AZIN2: variants seen among roughly 807,000 people sequenced by gnomAD.
The protein encoded by AZIN2 is ODC antizyme inhibitor-2.
In AZIN2, 28 loss-of-function variants were observed where a neutral mutation model predicts 47.8. The observed-to-expected ratio is 0.59, with a 90% CI of 0.43 to 0.80. The LOEUF is 0.80. Ranked by LOEUF, AZIN2 falls within the 30% of genes least tolerant of loss-of-function variation. The pLI, the probability that AZIN2 is intolerant of heterozygous loss-of-function variation, is 0.00. For synonymous variants in AZIN2, 221 were observed against 239.4 expected, an observed-to-expected ratio of 0.92 and a Z score of 0.71; for missense variants, 535 against 582.5, an observed-to-expected ratio of 0.92 and a Z score of 0.84.
chr1:33,124,371 T>C (rs1160040987), downstream of AZIN2, among the ~76,000 whole-genome samples: 4 of 151,856 alleles, frequency 2.6e-5, no homozygotes, highest in Non-Finnish European at 4.4e-5. This position sits in a 1 kb window ranked among gnomAD's most constrained non-coding sequence, Gnocchi z 4.6. Flanking sequence ...CGTCAGGATC[T>C]TTGGGAAGAT....
chr1:33,158,996 A>G, the AZIN2 span, among the ~76,000 whole-genome samples: 1 of 151,952 alleles, frequency 6.6e-6, no homozygotes, highest in South Asian at 2.1e-4. Context: ...GCCTGCCACC[A>G]CGCCCGGCTA....
the AZIN2 span, chr1:33,147,678 G>T: frequency 2.5e-6 from 4 of 1,613,768 alleles, no homozygotes; most frequent in South Asian, 2.2e-5. This position sits in a 1 kb window ranked among gnomAD's most constrained non-coding sequence, Gnocchi z 8.1. Flanking sequence ...CGTCCGACAG[G>T]ATCAGGCGCT....
chr1:33,156,272 C>G, the AZIN2 span, among the ~76,000 whole-genome samples: 1 of 152,228 alleles, frequency 6.6e-6, no homozygotes, highest in African/African-American at 2.4e-5. Flanking sequence ...CTCTCTCCTT[C>G]GCTTGAAAAC....
rs1195491971 is a variant in AZIN2, at chr1:33,097,043, T to G, written c.916+174T>G. ...AGTCGCCCCACCCCAAGACATTTAT[T>G]TAGCATCTTTTTTCCTAGGCATGTT... On this transcript the variant is annotated intron_variant, in intron 9 of 11. Coordinates refer to ENST00000294517, the MANE Select transcript of AZIN2 (RefSeq NM_052998.4). 4.3e-6 allele frequency: 3 copies of G among 703,888 alleles called. No individual in the cohort carries two copies. In the African/African-American group the frequency reaches 5.4e-5, roughly 13 times the overall value. The allele number at this position is 703,888 out of a possible 1,614,324, so 43.6% of individuals were successfully genotyped here. A position where few individuals can be genotyped will look rare whatever the true frequency, so the allele number is the denominator to read the frequency against.
rs370125215 is a variant in AZIN2 at position 33,122,046 on chromosome 1, C to T, written c.*1864C>T. Among the ~76,000 whole-genome samples the T allele has an allele frequency of 9.8e-5, 15 of 152,314 alleles. No individual in the cohort carries two copies. The South Asian group carries it at 1.7e-3, about 17-fold the overall frequency. Reference sequence around the variant, plus strand: ...ATCAGAAAGGGTTACTCTACTACCCCGTGATCCATCAAAGCCACGATTTAC... The same window carrying T: ...ATCAGAAAGGGTTACTCTACTACCCTGTGATCCATCAAAGCCACGATTTAC... On this transcript the variant is annotated 3_prime_UTR_variant, in exon 12 of 12. Transcript: ENST00000294517.
chr1:33,093,304 G>C lies in AZIN2; in HGVS notation c.475G>C (p.Asp159His), dbSNP rs747084922. 1.2e-6 allele frequency: 2 copies of C among 1,614,034 alleles called. No homozygotes were observed. Among genetic ancestry groups the C allele is most frequent in the African/African-American group, 2.7e-5 (2 of 75,004 alleles). Reference protein sequence around the residue: ...SAKMVLCIATDDSHSLSCLSL... With the variant: ...SAKMVLCIATHDSHSLSCLSL... ...CAGGATGGTTCTGTGCATTGCTACCGATGACTCCCACTCCCTGAGCTGCCT... is the reference window on the plus strand; with the variant it reads ...CAGGATGGTTCTGTGCATTGCTACCCATGACTCCCACTCCCTGAGCTGCCT... Residue 159 changes from aspartate to histidine, a missense_variant, in exon 7 of 12, where the codon GAT (aspartate) becomes CAT (histidine). By Grantham distance (81) the Asp-to-His change is moderately conservative (BLOSUM62 -1). Transcript: ENST00000294517.
intron 3 of AZIN2, 80 bp from the exon 4 acceptor site, chr1:33,082,098 G>A: frequency 1.5e-6 from 1 of 672,322 alleles, no homozygotes; most frequent in Non-Finnish European, 2.7e-6. Context: ...TGACGGGATT[G>A]GGATCCCTGG....
chr1:33,165,342 G>A, the AZIN2 span: 2 of 808,306 alleles, frequency 2.5e-6, no homozygotes, highest in South Asian at 3.6e-5. The surrounding 1 kb of genome is among the most constrained non-coding windows in gnomAD (Gnocchi z 4.0). Context: ...CTCACTCCAG[G>A]TTTGGCTCCT....
chr1:33,104,565 T>C (rs940059712), intron 10 of AZIN2, among the ~76,000 whole-genome samples: 1 of 151,918 alleles, frequency 6.6e-6, no homozygotes, highest in African/African-American at 2.4e-5. Context: ...TATAGTCTTA[T>C]AGAAATAGAA....
At chr1:33,149,305 A>G in the AZIN2 span, among the ~76,000 whole-genome samples, 1 of 152,150 alleles carries the variant, frequency 6.6e-6, no homozygotes, top group African/African-American at 2.4e-5. Flanking sequence ...GGCACGCGCC[A>G]CCACGCCTGG....
chr1:33,115,726 A>C (rs767154140), intron 10 of AZIN2, among the ~76,000 whole-genome samples: 3 of 152,234 alleles, frequency 2.0e-5, no homozygotes, highest in Non-Finnish European at 4.4e-5. Context: ...ATAGATACAT[A>C]AATAGTAAAA....
At chr1:33,150,018 C>T in the AZIN2 span, among the ~76,000 whole-genome samples, 1 of 152,204 alleles carries the variant, frequency 6.6e-6, no homozygotes, top group Non-Finnish European at 1.5e-5. Flanking sequence ...GCCACACCGG[C>T]TTAGCAGGTC....
the AZIN2 span, among the ~76,000 whole-genome samples, chr1:33,139,430 G>A: frequency 6.6e-6 from 1 of 152,326 alleles, no homozygotes; most frequent in East Asian, 1.9e-4. Flanking sequence ...AGTGGCAGTG[G>A]GAGACCCAGA....
the AZIN2 span, chr1:33,165,307 C>G: frequency 1.7e-6 from 1 of 601,112 alleles, no homozygotes; most frequent in Non-Finnish European, 2.9e-6. The surrounding 1 kb of genome is among the most constrained non-coding windows in gnomAD (Gnocchi z 4.0). Flanking sequence ...CACGGATGCC[C>G]TACCCTCTTC....
downstream of AZIN2, among the ~76,000 whole-genome samples, chr1:33,124,147 C>A (rs1279228605): frequency 6.6e-6 from 1 of 152,100 alleles, no homozygotes; most frequent in Non-Finnish European, 1.5e-5. This position sits in a 1 kb window ranked among gnomAD's most constrained non-coding sequence, Gnocchi z 4.6. Context: ...GCCTAGGCGA[C>A]AGGGCAAGAC....
At chr1:33,089,842 C>T (rs775922984) in intron 5 of AZIN2, among the ~76,000 whole-genome samples, 3 of 152,210 alleles carry the variant, frequency 2.0e-5, no homozygotes, top group Admixed American at 6.5e-5. Flanking sequence ...ATTACAAAAT[C>T]AGGATGGCTA....
At chr1:33,084,372 G>T (rs762568457) in intron 5 of AZIN2, among the ~76,000 whole-genome samples, 1 of 152,174 alleles carries the variant, frequency 6.6e-6, no homozygotes, top group Non-Finnish European at 1.5e-5. Flanking sequence ...TCTTTTTAAT[G>T]GAGATTTGCA....
intron 10 of AZIN2, among the ~76,000 whole-genome samples, chr1:33,102,316 G>A (rs1643762750): frequency 6.6e-6 from 1 of 152,274 alleles, no homozygotes; most frequent in Non-Finnish European, 1.5e-5. Context: ...TTCTTCCAGG[G>A]ACTTTGTAAG....
chr1:33,159,625 C>A, the AZIN2 span: 1 of 1,537,114 alleles, frequency 6.5e-7, no homozygotes. This position sits in a 1 kb window ranked among gnomAD's most constrained non-coding sequence, Gnocchi z 4.2. Flanking sequence ...TCCACTCCCA[C>A]TGCCCAGCAT....
Sources: allele counts gnomAD v4.1 joint callset (sites outside exome capture counted in the v4.1 genomes callset), GRCh38; gene constraint gnomAD v4.1.1; non-coding constraint Gnocchi (gnomAD v3.1); transcripts MANE v1.5; gene names NCBI Gene and HGNC (gene_info 2026-07-23, HGNC 2026-07-21).